Variants in KCNQ5 observed in about 807,000 individuals in gnomAD.
KCNQ5 encodes the protein potassium voltage-gated channel subfamily KQT member 5.
KCNQ5 carries 30 observed loss-of-function variants against 98.2 expected under a neutral mutation model. That is an observed-to-expected ratio of 0.31 (90% CI 0.23 to 0.41). The LOEUF (loss-of-function observed/expected upper bound fraction) is 0.41, where lower values mean the gene tolerates loss of function less well. Ranked by LOEUF, KCNQ5 falls within the 10% of genes least tolerant of loss-of-function variation. The pLI is 1.00. For missense variants in KCNQ5, 835 were observed against 1,182.5 expected, an observed-to-expected ratio of 0.71 and a Z score of 4.31; for synonymous variants, 458 against 449.4, an observed-to-expected ratio of 1.02 and a Z score of -0.24.
At chr6:72,926,980 A>G (rs1043505151) in intron 1 of KCNQ5, among the ~76,000 whole-genome samples, 1 of 152,154 alleles carries the variant, frequency 6.6e-6, no homozygotes, top group Non-Finnish European at 1.5e-5. Flanking sequence ...TCTCATTACC[A>G]TGGTGACTTC....
In KCNQ5 at chr6:72,657,117, A is replaced by C. The variant is rs199812594; in HGVS notation, c.398+34530A>C. 1.1e-4 allele frequency among the ~76,000 whole-genome samples: 16 copies of C among 152,248 alleles called. No homozygotes were observed. In the East Asian group the frequency reaches 2.7e-3, roughly 26 times the overall value. Reference sequence around the variant, plus strand: ...CGTAGCTACTCAAGAGATTGAGGCAAGAGGATAGTTTGAGCCCAGGAGCTT... The same window carrying C: ...CGTAGCTACTCAAGAGATTGAGGCACGAGGATAGTTTGAGCCCAGGAGCTT... On this transcript the variant is annotated intron_variant, in intron 1 of 13. Transcript: ENST00000370398.
intron 1 of KCNQ5, among the ~76,000 whole-genome samples, chr6:72,936,085 T>C (rs1490616267): frequency 6.6e-6 from 1 of 152,190 alleles, no homozygotes; most frequent in Non-Finnish European, 1.5e-5. Flanking sequence ...ATCTCCAGAC[T>C]CCCAACTAGA....
At chr6:73,058,191 T>TCA (rs1337863060) in intron 3 of KCNQ5, among the ~76,000 whole-genome samples, 5 of 152,234 alleles carry the variant, frequency 3.3e-5, no homozygotes, top group African/African-American at 1.2e-4. Context: ...GGCAGGCGGA[T>TCA]CACGAGGTCA....
At chr6:72,630,109 G>T (rs970399179) in intron 1 of KCNQ5, among the ~76,000 whole-genome samples, 1 of 152,064 alleles carries the variant, frequency 6.6e-6, no homozygotes, top group Non-Finnish European at 1.5e-5. Context: ...TTTTAGCAGA[G>T]AATTTGTGTT....
intron 3 of KCNQ5, 62 bp downstream of exon 3, chr6:73,042,124 G>C: frequency 6.3e-7 from 1 of 1,585,078 alleles, no homozygotes; most frequent in Middle Eastern, 1.7e-4. Flanking sequence ...TCTATCTCCT[G>C]TTTTGCAATA....
chr6:72,960,766 CA>C (rs1182458024), intron 1 of KCNQ5, among the ~76,000 whole-genome samples: 2 of 151,968 alleles, frequency 1.3e-5, no homozygotes, highest in South Asian at 2.1e-4. Flanking sequence ...TCTAATGAAA[CA>C]AAAAAAGACT....
At chr6:72,878,159 A>G (rs1778494809) in intron 1 of KCNQ5, among the ~76,000 whole-genome samples, 2 of 152,198 alleles carry the variant, frequency 1.3e-5, no homozygotes, top group African/African-American at 4.8e-5. Context: ...AATCCCAGCT[A>G]CTTGGGAGGC....
At chr6:73,166,003 C>G (rs943385974) in intron 10 of KCNQ5, among the ~76,000 whole-genome samples, 2 of 152,016 alleles carry the variant, frequency 1.3e-5, no homozygotes, top group African/African-American at 4.8e-5. Flanking sequence ...AGGTGAGGCT[C>G]AGGGTCAGAC....
At chr6:72,896,381 A>T (rs1347622498) in intron 1 of KCNQ5, among the ~76,000 whole-genome samples, 1 of 152,134 alleles carries the variant, frequency 6.6e-6, no homozygotes, top group Non-Finnish European at 1.5e-5. Context: ...ATCTCCATTA[A>T]ATGTTTAGAG....
chr6:72,686,418 G>A (rs1226361230), intron 1 of KCNQ5, among the ~76,000 whole-genome samples: 1 of 152,088 alleles, frequency 6.6e-6, no homozygotes, highest in Non-Finnish European at 1.5e-5. Context: ...CATTTCATAT[G>A]TTCATCATTT....
At chr6:72,737,826 G>A (rs1474062151) in intron 1 of KCNQ5, among the ~76,000 whole-genome samples, 1 of 152,056 alleles carries the variant, frequency 6.6e-6, no homozygotes, top group East Asian at 1.9e-4. Flanking sequence ...AGAGGTAGAA[G>A]GACAGAGGAG....
At chr6:72,873,230 C>T (rs570066439) in intron 1 of KCNQ5, among the ~76,000 whole-genome samples, 37 of 152,056 alleles carry the variant, frequency 2.4e-4, no homozygotes, top group African/African-American at 8.4e-4. Context: ...ATAAAATGTA[C>T]CAATTGAATA....
At chr6:72,729,833 A>G (rs577263150) in intron 1 of KCNQ5, among the ~76,000 whole-genome samples, 20 of 152,280 alleles carry the variant, frequency 1.3e-4, no homozygotes, top group African/African-American at 4.6e-4. Context: ...TACTGGGCCT[A>G]TATTTTACTG....
chr6:72,946,699 T>C lies in KCNQ5; in HGVS notation c.399-57209T>C, dbSNP rs188456968. 3.8e-4 allele frequency among the ~76,000 whole-genome samples: 58 copies of C among 152,340 alleles called. 2 individuals carry two copies. The East Asian group carries it at 8.3e-3, about 22-fold the overall frequency. ...TAACATTCAATCTAATTGAAAAAGCTAGGAGACAAGGAAATAAATATGGAT... is the reference window on the plus strand; with the variant it reads ...TAACATTCAATCTAATTGAAAAAGCCAGGAGACAAGGAAATAAATATGGAT... On this transcript the variant is annotated intron_variant, in intron 1 of 13. Coordinates refer to ENST00000370398, the MANE Select transcript of KCNQ5 (RefSeq NM_019842.4).
intron 1 of KCNQ5, among the ~76,000 whole-genome samples, chr6:72,877,384 G>A (rs970279094): frequency 6.6e-6 from 1 of 152,084 alleles, no homozygotes; most frequent in African/African-American, 2.4e-5. Flanking sequence ...TCCCTGCAAA[G>A]GACAAGATCT....
At chr6:72,856,496 G>A (rs1035758085) in intron 1 of KCNQ5, among the ~76,000 whole-genome samples, 2 of 116,636 alleles carry the variant, frequency 1.7e-5, no homozygotes, top group Non-Finnish European at 4.0e-5. Context: ...ACACACACAC[G>A]TGTGTGTATT....
intron 1 of KCNQ5, among the ~76,000 whole-genome samples, chr6:72,911,496 C>A (rs1779939760): frequency 1.3e-5 from 2 of 152,028 alleles, no homozygotes; most frequent in African/African-American, 4.8e-5. Flanking sequence ...CATTTGCAAG[C>A]CACCAGTTTA....
intron 1 of KCNQ5, among the ~76,000 whole-genome samples, chr6:72,812,968 A>G (rs935285151): frequency 2.0e-5 from 3 of 152,176 alleles, no homozygotes; most frequent in Non-Finnish European, 4.4e-5. Context: ...TAATCTATTG[A>G]TAATTAATTT....
At chr6:72,642,393 C>T (rs941210892) in intron 1 of KCNQ5, among the ~76,000 whole-genome samples, 3 of 151,890 alleles carry the variant, frequency 2.0e-5, no homozygotes, top group African/African-American at 2.4e-5. Flanking sequence ...CATAGGTAAA[C>T]GTGTGCCACA....
Sources: gnomAD v4.1 joint callset for allele counts (sites outside exome capture counted in the v4.1 genomes callset) on GRCh38, gnomAD v4.1.1 for gene constraint, MANE v1.5 for transcripts, NCBI Gene and HGNC (gene_info 2026-07-23, HGNC 2026-07-21) for gene names.